The following CAMTA1 variants were observed in gnomAD, a reference collection of about 807,000 sequenced individuals.
CAMTA1 encodes calmodulin binding transcription activator 1, also known as calmodulin-binding transcription activator 1.
CAMTA1 carries 27 observed loss-of-function variants against 170.9 expected under a neutral mutation model. The observed-to-expected ratio is 0.16, with a 90% CI of 0.12 to 0.22. The LOEUF (loss-of-function observed/expected upper bound fraction) is 0.22, where lower values mean the gene tolerates loss of function less well. CAMTA1 is among the 10% of genes least tolerant of loss of function. The pLI is 1.00. For missense variants in CAMTA1, 1,619 were observed against 2,217.2 expected (o/e 0.73, Z 5.42); for synonymous variants, 833 against 891.5 (o/e 0.93, Z 1.17).
chr1:7,137,681 G>C (rs971468650), intron 4 of CAMTA1, among the ~76,000 whole-genome samples: 2 of 152,162 alleles, frequency 1.3e-5, no homozygotes, highest in East Asian at 3.9e-4. Context: ...GGCACTTCCT[G>C]CTTCCTCTAC....
chr1:7,110,161 C>T (rs1410711401), intron 4 of CAMTA1, among the ~76,000 whole-genome samples: 2 of 152,172 alleles, frequency 1.3e-5, no homozygotes, highest in African/African-American at 2.4e-5. Flanking sequence ...CTGGATCCCA[C>T]CCATTCACTC....
intron 4 of CAMTA1, among the ~76,000 whole-genome samples, chr1:7,237,113 CAG>C (rs1488168159): frequency 6.6e-6 from 1 of 152,194 alleles, no homozygotes; most frequent in Non-Finnish European, 1.5e-5. Context: ...TGGGAGGAAA[CAG>C]TGGAGCTGAC....
intron 3 of CAMTA1, among the ~76,000 whole-genome samples, chr1:6,959,084 G>T (rs1449333912): frequency 6.6e-6 from 1 of 152,196 alleles, no homozygotes; most frequent in East Asian, 1.9e-4. Flanking sequence ...TTTTGGCAGA[G>T]TCCTTGCTGC....
At chr1:7,480,528 G>A (rs2093512838) in intron 6 of CAMTA1, among the ~76,000 whole-genome samples, 1 of 151,976 alleles carries the variant, frequency 6.6e-6, no homozygotes, top group South Asian at 2.1e-4. Context: ...GGCTCTTGGA[G>A]AGGTCACTAA....
intron 5 of CAMTA1, among the ~76,000 whole-genome samples, chr1:7,457,474 C>T (rs1457681007): frequency 6.6e-6 from 1 of 152,052 alleles, no homozygotes; most frequent in East Asian, 1.9e-4. Context: ...TAGGGGACTA[C>T]TAGGTTAGGT....
rs1264221228 is a variant in CAMTA1, at chr1:7,082,026, A to G, written c.235-9278A>G. Reference sequence around the variant, plus strand: ...TTTTGAAAACATTCAGCTTTGTTCCATTTTCCCCACTCCCATGGCCTTAGT... The same window carrying G: ...TTTTGAAAACATTCAGCTTTGTTCCGTTTTCCCCACTCCCATGGCCTTAGT... On this transcript the variant is annotated intron_variant, in intron 3 of 22. Transcript: ENST00000303635. Among the ~76,000 whole-genome samples, 5 of 151,964 alleles carry G rather than the reference A, an allele frequency of 3.3e-5. No individual in the cohort carries two copies. In the East Asian group the frequency reaches 9.7e-4, roughly 29 times the overall value.
chr1:7,626,171 T>C (rs911250783), intron 6 of CAMTA1, among the ~76,000 whole-genome samples: 1 of 151,992 alleles, frequency 6.6e-6, no homozygotes, highest in Non-Finnish European at 1.5e-5. Context: ...TTAATCATGA[T>C]TCCCTCTAAA....
chr1:6,995,669 G>A (rs1022547662), intron 3 of CAMTA1, among the ~76,000 whole-genome samples: 1 of 152,184 alleles, frequency 6.6e-6, no homozygotes, highest in Admixed American at 6.5e-5. Context: ...AGTATGGTGT[G>A]ACTAACAGAT....
chr1:6,968,539 T>C (rs1015550806), intron 3 of CAMTA1, among the ~76,000 whole-genome samples: 6 of 152,150 alleles, frequency 3.9e-5, no homozygotes, highest in Non-Finnish European at 8.8e-5. Context: ...GTGCATATGG[T>C]CCTTGTCCTC....
chr1:6,986,195 C>G (rs1695331469), intron 3 of CAMTA1, among the ~76,000 whole-genome samples: 1 of 152,204 alleles, frequency 6.6e-6, no homozygotes, highest in Admixed American at 6.5e-5. Context: ...GCTGCCATGT[C>G]TCTCACCAGG....
chr1:6,899,561 CA>C (rs1676472844), intron 3 of CAMTA1, among the ~76,000 whole-genome samples: 1 of 118,524 alleles, frequency 8.4e-6, no homozygotes, highest in Non-Finnish European at 1.7e-5. Flanking sequence ...CGCGCACACA[CA>C]CACACACACA....
At chr1:7,497,252 A>C (rs1575623811) in intron 6 of CAMTA1, among the ~76,000 whole-genome samples, 1 of 152,120 alleles carries the variant, frequency 6.6e-6, no homozygotes. Flanking sequence ...GGCTGGTCAC[A>C]GACACTGCGC....
intron 4 of CAMTA1, among the ~76,000 whole-genome samples, chr1:7,138,672 A>C (rs555538120): frequency 6.6e-6 from 1 of 152,324 alleles, no homozygotes; most frequent in Admixed American, 6.5e-5. Context: ...TTTTGTATCT[A>C]GCTCACCTTT....
intron 11 of CAMTA1, among the ~76,000 whole-genome samples, chr1:7,677,951 A>T (rs546639678): frequency 2.0e-5 from 3 of 152,252 alleles, no homozygotes; most frequent in Middle Eastern, 3.4e-3. Context: ...CCTCAATCTC[A>T]GTCTCTCCCT....
intron 4 of CAMTA1, among the ~76,000 whole-genome samples, chr1:7,163,693 C>T (rs1647742356): frequency 6.6e-6 from 1 of 152,144 alleles, no homozygotes; most frequent in Non-Finnish European, 1.5e-5. Flanking sequence ...TGGCAGGTTT[C>T]ATCTGAGGCC....
In CAMTA1 at chr1:7,293,725, A is replaced by C. The variant is rs1673498261; in HGVS notation, c.438+44099A>C. On this transcript the variant is annotated intron_variant, in intron 5 of 22. Coordinates refer to ENST00000303635, the MANE Select transcript of CAMTA1 (RefSeq NM_015215.4). This position sits in a 1 kb window ranked among gnomAD's most constrained non-coding sequence, Gnocchi z 4.1. ...TGAATTATCCCAGCTTAATGCTTCAAGTTATTGGGGTTCCCCTGGGGAGCA... is the reference window on the plus strand; with the variant it reads ...TGAATTATCCCAGCTTAATGCTTCACGTTATTGGGGTTCCCCTGGGGAGCA... 6.6e-6 allele frequency among the ~76,000 whole-genome samples: 1 copy of C among 152,104 alleles called. No individual in the cohort carries two copies. The highest frequency in any genetic ancestry group is 2.4e-5 in the African/African-American group (1 of 41,418).
chr1:7,626,324 T>C lies in CAMTA1; in HGVS notation c.511-14076T>C, dbSNP rs563035352. On this transcript the variant is annotated intron_variant, in intron 6 of 22. Coordinates refer to ENST00000303635, the MANE Select transcript of CAMTA1 (RefSeq NM_015215.4). ...GGGAGAGCTTTGGGGTTTAGGTCTTTAACAGGATTGAGTGCAGGGGCTCCC... is the reference window on the plus strand; with the variant it reads ...GGGAGAGCTTTGGGGTTTAGGTCTTCAACAGGATTGAGTGCAGGGGCTCCC... 6.1e-4 allele frequency among the ~76,000 whole-genome samples: 93 copies of C among 152,286 alleles called. 1 individual carries two copies. Among genetic ancestry groups the C allele is most frequent in the African/African-American group, 2.2e-3 (93 of 41,568 alleles).
intron 6 of CAMTA1, among the ~76,000 whole-genome samples, chr1:7,469,033 T>A (rs1189137515): frequency 6.6e-6 from 1 of 152,220 alleles, no homozygotes; most frequent in Non-Finnish European, 1.5e-5. Flanking sequence ...ATCCATCGGC[T>A]CTGCCCAGCC....
intron 3 of CAMTA1, among the ~76,000 whole-genome samples, chr1:6,950,866 G>A (rs566777262): frequency 2.0e-5 from 3 of 152,338 alleles, no homozygotes; most frequent in Non-Finnish European, 4.4e-5. Flanking sequence ...TGCCCAGGGA[G>A]GGGCTTCCTG....
Sources: allele counts gnomAD v4.1 joint callset (sites outside exome capture counted in the v4.1 genomes callset), GRCh38; gene constraint gnomAD v4.1.1; non-coding constraint Gnocchi (gnomAD v3.1); transcripts MANE v1.5; gene names NCBI Gene and HGNC (gene_info 2026-07-23, HGNC 2026-07-21).